ZNF121: variants seen among roughly 807,000 people sequenced by gnomAD.
ZNF121 encodes the protein zinc finger protein 121 (clone ZHC32).
ZNF121 carries 1 observed loss-of-function variant against 2.4 expected under a neutral mutation model. That is an observed-to-expected ratio of 0.41 (90% CI 0.15 to 1.94). The LOEUF is 1.94. Ranked by LOEUF, ZNF121 falls within the 30% of genes most tolerant of loss-of-function variation. ZNF121 has a pLI of 0.30. For missense variants in ZNF121, 369 were observed against 466.3 expected (o/e 0.79, Z 1.92); for synonymous variants, 173 against 158.6 (o/e 1.09, Z -0.68).
rs977702301 is a variant in ZNF121 at position 9,561,313 on chromosome 19, A to G, written c.*4627T>C. On this transcript the variant is annotated 3_prime_UTR_variant, in exon 4 of 4. Coordinates refer to ENST00000320451, the MANE Select transcript of ZNF121 (RefSeq NM_001008727.5). ...TACATTTTTCTGAGTCTAGGGCTGG[A>G]GACAAATGTACCATGAACAAACTGT... 1 of 152,188 alleles carries G rather than the reference A, an allele frequency of 6.6e-6. No homozygotes were observed. The highest frequency in any genetic ancestry group is 1.5e-5 in the Non-Finnish European group (1 of 68,020). The allele number at this position is 152,188 out of a possible 1,614,324, so 9.4% of individuals were successfully genotyped here. A position where few individuals can be genotyped will look rare whatever the true frequency, so the allele number is the denominator to read the frequency against.
chr19:9,572,787 C>T (rs190724986), intron 1 of ZNF121, among the ~76,000 whole-genome samples: 44 of 152,256 alleles, frequency 2.9e-4, no homozygotes, highest in African/African-American at 8.7e-4. Context: ...AAATCACTTT[C>T]GGAGGCTGAG....
At chr19:9,570,317 C>T (rs2074165131) in intron 1 of ZNF121, among the ~76,000 whole-genome samples, 1 of 152,102 alleles carries the variant, frequency 6.6e-6, no homozygotes, top group Non-Finnish European at 1.5e-5. Flanking sequence ...CAGAGCTTCC[C>T]TGGCATAATG....
intron 1 of ZNF121, 36 bp downstream of exon 1, chr19:9,584,425 C>G (rs1179153893): frequency 6.6e-6 from 1 of 152,408 alleles, no homozygotes; most frequent in Non-Finnish European, 1.5e-5. Flanking sequence ...TGCCGCCCCC[C>G]GCTATCTCCG....
At position 9,580,801 on chromosome 19, in the gene ZNF121, A is replaced by G. The variant is rs1164375610; in HGVS notation, c.-160+3660T>C. Among the ~76,000 whole-genome samples the G allele has an allele frequency of 3.3e-5, 5 of 152,226 alleles. No homozygotes were observed. The East Asian group carries it at 9.6e-4, about 29-fold the overall frequency. On this transcript the variant is annotated intron_variant, in intron 1 of 3. Coordinates refer to ENST00000320451, the MANE Select transcript of ZNF121 (RefSeq NM_001008727.5). ...TACACCAACAGAAGATGTAGAGTAG[A>G]GGCCTCTGGTATTCCATAGTCAATC...
rs1488017927 is a variant in ZNF121 at position 9,566,149 on chromosome 19, C to T, written c.964G>A (p.Ala322Thr). The change falls in exon 4 of 4, where the codon GCT becomes ACT. Residue 322 changes from alanine (A) to threonine (T), a missense_variant. This residue lies in a region of ZNF121 where 127 missense variants were observed against 169.9 expected (regional missense o/e 0.75). Coordinates refer to ENST00000320451, the MANE Select transcript of ZNF121 (RefSeq NM_001008727.5). ...YECKDCGKAF[A>T]TSSQLIEHIR... ...TGTTCAATGAGTTGTGAAGATGTAGCAAAGGCTTTCCCACAGTCCTTACAT... is the reference window on the plus strand; with the variant it reads ...TGTTCAATGAGTTGTGAAGATGTAGTAAAGGCTTTCCCACAGTCCTTACAT... 1 of 1,613,968 alleles carries T rather than the reference C, an allele frequency of 6.2e-7. No homozygotes were observed. The highest frequency in any genetic ancestry group is 1.1e-5 in the South Asian group (1 of 91,064).
At chr19:9,572,654 G>C (rs1171949714) in intron 1 of ZNF121, among the ~76,000 whole-genome samples, 1 of 152,110 alleles carries the variant, frequency 6.6e-6, no homozygotes, top group Non-Finnish European at 1.5e-5. Context: ...ATGCCCTTTA[G>C]GACTCCCTCA....
intron 1 of ZNF121, among the ~76,000 whole-genome samples, chr19:9,577,506 A>C (rs2074219286): frequency 6.6e-6 from 1 of 152,076 alleles, no homozygotes; most frequent in Admixed American, 6.6e-5. Flanking sequence ...TGAAGGAGCT[A>C]TGCAAGGAAA....
At chr19:9,577,689 A>T (rs2144820596) in intron 1 of ZNF121, among the ~76,000 whole-genome samples, 2 of 152,242 alleles carry the variant, frequency 1.3e-5, no homozygotes, top group South Asian at 4.1e-4. Context: ...AGAGAAAAAA[A>T]ATCCTAAAAT....
Position 9,566,929 on chromosome 19 carries a change from A to C in ZNF121, c.184T>G (p.Ser62Ala). The part of the protein sequence containing the change: ...HNSAPAGETL[S>A]VLNQCRKAFS... ...GCTTTTCTGCACTGATTCAACACAG[A>C]AAGTGTCTCTCCAGCAGGGGCACTG... Residue 62 changes from serine (S) to alanine (A), a missense_variant, in exon 4 of 4, where the codon TCT (serine) becomes GCT (alanine). By Grantham distance (99) the Ser-to-Ala change is moderately conservative. Around this residue, in one of 4 missense-constraint regions of ZNF121, gnomAD observed 168 missense variants for 162.3 expected, o/e 1.03. Transcript: ENST00000320451. 3 of 1,614,204 alleles carry C rather than the reference A, an allele frequency of 1.9e-6. No individual in the cohort carries two copies. The highest frequency in any genetic ancestry group is 2.5e-6 in the Non-Finnish European group (3 of 1,180,034).
rs138751140 is a variant in ZNF121, at chr19:9,563,961, C to T, written c.*1979G>A. On this transcript the variant is annotated 3_prime_UTR_variant, in exon 4 of 4. Transcript: ENST00000320451. ...TACCACTGATAATGAACCTACTAAC[C>T]AAGAGCTCTTATGGAGGTATAAACA... The T allele has an allele frequency of 2.6e-5, 4 of 152,124 alleles. No individual in the cohort carries two copies. The highest frequency in any genetic ancestry group is 1.3e-4 in the Admixed American group (2 of 15,270). 9.4% of individuals were successfully genotyped at this position (152,124 alleles called of 1,614,324 possible). A position where few individuals can be genotyped will look rare whatever the true frequency, so the allele number is the denominator to read the frequency against.
At chr19:9,583,336 T>G (rs2144829464) in intron 1 of ZNF121, among the ~76,000 whole-genome samples, 1 of 151,500 alleles carries the variant, frequency 6.6e-6, no homozygotes, top group African/African-American at 2.4e-5. Context: ...TGCCTTTCTT[T>G]CTTTTTTGAG....
In ZNF121 at chr19:9,566,015, T is replaced by G; in HGVS notation, c.1098A>C (p.Lys366Asn). 1 of 1,611,412 alleles carries G rather than the reference T, an allele frequency of 6.2e-7. No individual in the cohort carries two copies. The highest frequency in any genetic ancestry group is 8.5e-7 in the Non-Finnish European group (1 of 1,178,782). Residue 366 changes from lysine (K) to asparagine (N), a missense_variant, in exon 4 of 4, where the codon AAA becomes AAC. Transcript: ENST00000320451. ...QKHVRIHTGE[K>N]PYICNECGKA... Reference sequence around the variant, plus strand: ...TCCCACATTCGTTACATATATAGGGTTTCTCTCCAGTGTGAATTCTAACAT... The same window carrying G: ...TCCCACATTCGTTACATATATAGGGGTTCTCTCCAGTGTGAATTCTAACAT...
chr19:9,580,025 G>T (rs1236028813), intron 1 of ZNF121, among the ~76,000 whole-genome samples: 1 of 152,108 alleles, frequency 6.6e-6, no homozygotes, highest in Non-Finnish European at 1.5e-5. Context: ...GGCGCGGGTG[G>T]CTCACACCTG....
intron 1 of ZNF121, among the ~76,000 whole-genome samples, chr19:9,573,697 T>TA (rs2074189731): frequency 6.6e-6 from 1 of 152,128 alleles, no homozygotes; most frequent in Admixed American, 6.6e-5. Flanking sequence ...CTACAAAGCA[T>TA]ACAATCTTCA....
intron 1 of ZNF121, among the ~76,000 whole-genome samples, chr19:9,580,449 T>C (rs1489662413): frequency 2.0e-5 from 3 of 151,000 alleles, no homozygotes; most frequent in Admixed American, 6.6e-5. Context: ...GATTATGCCA[T>C]TGCCCTCCAG....
intron 1 of ZNF121, among the ~76,000 whole-genome samples, chr19:9,569,362 C>T (rs1299666854): frequency 1.3e-5 from 2 of 151,960 alleles, no homozygotes; most frequent in Non-Finnish European, 2.9e-5. Flanking sequence ...GGGAGAATCA[C>T]CTGAGCCTGG....
chr19:9,561,312 G>A lies in ZNF121; in HGVS notation c.*4628C>T, dbSNP rs1411357030. On this transcript the variant is annotated 3_prime_UTR_variant, in exon 4 of 4. Coordinates refer to ENST00000320451, the MANE Select transcript of ZNF121 (RefSeq NM_001008727.5). ...TTACATTTTTCTGAGTCTAGGGCTG[G>A]AGACAAATGTACCATGAACAAACTG... 6.6e-6 allele frequency: 1 copy of A among 152,088 alleles called. No homozygotes were observed. Among genetic ancestry groups the A allele is most frequent in the African/African-American group, 2.4e-5 (1 of 41,394 alleles). The allele number at this position is 152,088 out of a possible 1,614,324, so 9.4% of individuals were successfully genotyped here. A position where few individuals can be genotyped will look rare whatever the true frequency, so the allele number is the denominator to read the frequency against.
intron 1 of ZNF121, among the ~76,000 whole-genome samples, chr19:9,582,800 T>C (rs2144828407): frequency 6.6e-6 from 1 of 152,070 alleles, no homozygotes; most frequent in East Asian, 1.9e-4. Flanking sequence ...TGTTCAAGTT[T>C]TCCCTAGGAT....
In ZNF121 at chr19:9,560,882, A is replaced by G. The variant is rs2074097542; in HGVS notation, c.*5058T>C. 1 of 152,234 alleles carries G rather than the reference A, an allele frequency of 6.6e-6. No individual in the cohort carries two copies. 9.4% of individuals were successfully genotyped at this position (152,234 alleles called of 1,614,324 possible). On this transcript the variant is annotated 3_prime_UTR_variant, in exon 4 of 4. Coordinates refer to ENST00000320451, the MANE Select transcript of ZNF121 (RefSeq NM_001008727.5). ...AGTAAGTTTTAAACCTAGTGCTTTT[A>G]TATTACGCCCTGAGCTAAAGATAAG...
Sources: allele counts gnomAD v4.1 joint callset (sites outside exome capture counted in the v4.1 genomes callset), GRCh38; gene constraint gnomAD v4.1.1; regional missense constraint gnomAD v4.1.1; transcripts MANE v1.5; gene names NCBI Gene and HGNC (gene_info 2026-07-23, HGNC 2026-07-21).